SCARA5: variants seen among roughly 807,000 people sequenced by gnomAD.
SCARA5 encodes scavenger receptor class A, member 5 (putative).
Under a neutral mutation model 46.3 loss-of-function variants are expected in SCARA5, and 45 were observed. The ratio of observed to expected loss-of-function variants is 0.97; its 90% CI spans 0.76 to 1.24. The LOEUF (loss-of-function observed/expected upper bound fraction) is 1.24. Ranked by LOEUF, SCARA5 falls within the 50% of genes most tolerant of loss-of-function variation. The pLI, the probability that SCARA5 is intolerant of heterozygous loss-of-function variation, is 0.00. For missense variants in SCARA5, 680 were observed against 689.0 expected, an observed-to-expected ratio of 0.99 and a Z score of 0.15; for synonymous variants, 333 against 306.5, an observed-to-expected ratio of 1.09 and a Z score of -0.90.
chr8:27,962,559 AC>A, intron 3 of SCARA5, among the ~76,000 whole-genome samples: 1 of 152,352 alleles, frequency 6.6e-6, no homozygotes, highest in South Asian at 2.1e-4. Flanking sequence ...TCAGGAAGCT[AC>A]AGTGTAGATG....
At position 27,969,902 on chromosome 8, in the gene SCARA5, T is replaced by C. The variant is rs1405235112; in HGVS notation, c.113-3360A>G. Among the ~76,000 whole-genome samples, 15 of 152,328 alleles carry C rather than the reference T, an allele frequency of 9.8e-5. No individual in the cohort carries two copies. The East Asian group carries it at 2.7e-3, about 27-fold the overall frequency. On this transcript the variant is annotated intron_variant, in intron 2 of 8. Coordinates refer to ENST00000354914, the MANE Select transcript of SCARA5 (RefSeq NM_173833.6). Reference sequence around the variant, plus strand: ...GGGTAAAAACTTTAACAGGCATTTATGGAACATCCACTGTGGAAAAGCCCC... The same window carrying C: ...GGGTAAAAACTTTAACAGGCATTTACGGAACATCCACTGTGGAAAAGCCCC...
At chr8:27,886,538 T>C (rs992856004) in intron 7 of SCARA5, among the ~76,000 whole-genome samples, 2 of 152,174 alleles carry the variant, frequency 1.3e-5, no homozygotes, top group Admixed American at 6.5e-5. Flanking sequence ...CAGAAACTTG[T>C]GTCTCTGGCC....
At chr8:27,986,787 G>A (rs2129986246) in intron 2 of SCARA5, among the ~76,000 whole-genome samples, 2 of 152,346 alleles carry the variant, frequency 1.3e-5, no homozygotes, top group East Asian at 1.9e-4. Context: ...TTGGCCGGAA[G>A]TCTTTGCAAG....
chr8:27,985,723 C>G (rs1178831984), intron 2 of SCARA5, among the ~76,000 whole-genome samples: 1 of 152,184 alleles, frequency 6.6e-6, no homozygotes, highest in Non-Finnish European at 1.5e-5. Context: ...CACGAATCAG[C>G]CTGGACTCCA....
intron 2 of SCARA5, among the ~76,000 whole-genome samples, chr8:27,982,642 G>A (rs368135809): frequency 5.3e-5 from 8 of 152,176 alleles, no homozygotes; most frequent in Admixed American, 1.3e-4. Context: ...TGGCCAAGAC[G>A]CAAGGGAGGA....
intron 3 of SCARA5, among the ~76,000 whole-genome samples, chr8:27,923,723 A>G (rs868328269): frequency 3.3e-5 from 5 of 152,016 alleles, no homozygotes; most frequent in African/African-American, 1.2e-4. Flanking sequence ...CTACAGGTGC[A>G]TGCCACCACT....
At chr8:27,977,329 C>T (rs1007595013) in intron 2 of SCARA5, among the ~76,000 whole-genome samples, 10 of 152,144 alleles carry the variant, frequency 6.6e-5, no homozygotes, top group Non-Finnish European at 1.5e-5. Context: ...CCCAGGCCCC[C>T]CCATCACCCA....
chr8:27,966,633 A>G (rs1446173606), intron 2 of SCARA5, 91 bp from the exon 3 acceptor site: 1 of 1,350,252 alleles, frequency 7.4e-7, no homozygotes, highest in Admixed American at 2.4e-5. Flanking sequence ...TCCCTGATGC[A>G]TGCAGATGTT....
intron 7 of SCARA5, among the ~76,000 whole-genome samples, chr8:27,891,060 T>C (rs988976982): frequency 3.3e-5 from 5 of 152,158 alleles, no homozygotes; most frequent in African/African-American, 1.2e-4. Flanking sequence ...ATTTCTTCAC[T>C]GTCCCATGGG....
intron 2 of SCARA5, among the ~76,000 whole-genome samples, chr8:27,980,361 T>C (rs1808594423): frequency 2.0e-5 from 3 of 152,194 alleles, no homozygotes; most frequent in Admixed American, 1.3e-4. Flanking sequence ...GAAGCCCACC[T>C]GCCCACCCAG....
intron 2 of SCARA5, among the ~76,000 whole-genome samples, chr8:27,971,792 T>G (rs552925972): frequency 6.6e-6 from 1 of 152,082 alleles, no homozygotes; most frequent in South Asian, 2.1e-4. Flanking sequence ...GTTGTTCATC[T>G]CGGTGTGGAG....
chr8:27,945,055 C>T (rs1256027942), intron 3 of SCARA5, among the ~76,000 whole-genome samples: 5 of 151,828 alleles, frequency 3.3e-5, no homozygotes. Context: ...GTGCCAGCTA[C>T]TCAGGAGGCT....
chr8:27,931,132 G>A (rs1402180160), intron 3 of SCARA5, among the ~76,000 whole-genome samples: 1 of 152,208 alleles, frequency 6.6e-6, no homozygotes, highest in Non-Finnish European at 1.5e-5. Context: ...GAAGTTATCA[G>A]TAGAGCTCTA....
chr8:27,913,935 C>G (rs145165024), intron 4 of SCARA5, among the ~76,000 whole-genome samples: 1 of 152,304 alleles, frequency 6.6e-6, no homozygotes, highest in East Asian at 1.9e-4. Context: ...AGTCCAGTCC[C>G]TCTTAGTCCT....
intron 3 of SCARA5, among the ~76,000 whole-genome samples, chr8:27,931,113 T>G (rs772736681): frequency 6.6e-6 from 1 of 152,216 alleles, no homozygotes; most frequent in Non-Finnish European, 1.5e-5. Context: ...ATTCAGAATC[T>G]GCAAGAAAGA....
intron 2 of SCARA5, among the ~76,000 whole-genome samples, chr8:27,982,131 C>T (rs1808625608): frequency 6.6e-6 from 1 of 152,170 alleles, no homozygotes; most frequent in South Asian, 2.1e-4. Context: ...AACTCATTAC[C>T]CCCAGGTCCT....
At chr8:27,893,890 G>C (rs924087210) in intron 7 of SCARA5, among the ~76,000 whole-genome samples, 1 of 152,242 alleles carries the variant, frequency 6.6e-6, no homozygotes, top group East Asian at 1.9e-4. Flanking sequence ...GGGTTTAGGA[G>C]GACTGTGTAG....
rs759111568 is a variant in SCARA5 at position 27,909,697 on chromosome 8, G to A, written c.963C>T (p.Gly321=). Residue 321 remains glycine (G), a synonymous_variant, in exon 5 of 9, where the codon GGC becomes GGT. Transcript: ENST00000354914. The part of the protein sequence containing the change: ...KGDQGDEGKE[G]RPGIPGLPGL... The stretch of plus-strand genomic sequence containing the variant: ...CAGGCAATCCAGGGATGCCAGGCCT[G>A]CCTTCCTTTCCTTCATCCCCCTGAT... 2.8e-5 allele frequency: 44 copies of A among 1,551,368 alleles called. No individual in the cohort carries two copies. The highest frequency in any genetic ancestry group is 3.9e-5 in the Admixed American group (2 of 50,988).
At chr8:27,990,103 C>T (rs566366283) in intron 1 of SCARA5, among the ~76,000 whole-genome samples, 76 of 152,294 alleles carry the variant, frequency 5.0e-4, no homozygotes, top group Non-Finnish European at 6.3e-4. Context: ...GCTCCTGGGA[C>T]GGGGCTGGAA....
Sources: gnomAD v4.1 joint callset for allele counts (sites outside exome capture counted in the v4.1 genomes callset) on GRCh38, gnomAD v4.1.1 for gene constraint, MANE v1.5 for transcripts, NCBI Gene and HGNC (gene_info 2026-07-23, HGNC 2026-07-21) for gene names.